The following PCDHA1 variants were observed in gnomAD, a reference collection of about 807,000 sequenced individuals.
PCDHA1 encodes protocadherin alpha-1.
PCDHA1 carries 42 observed loss-of-function variants against 61.3 expected under a neutral mutation model. The observed-to-expected ratio is 0.69, with a 90% CI of 0.54 to 0.89. The LOEUF is 0.89. Ranked by LOEUF, PCDHA1 falls within the 40% of genes least tolerant of loss-of-function variation. The pLI, the probability that PCDHA1 is intolerant of heterozygous loss-of-function variation, is 0.00. For missense variants in PCDHA1, 1,256 were observed against 1,235.3 expected (o/e 1.02, Z -0.25); for synonymous variants, 610 against 553.8 (o/e 1.10, Z -1.43).
chr5:141,006,448 C>T lies in PCDHA1; in HGVS notation c.2543-3179C>T, dbSNP rs968765348. ...CAGGATGGTCTCAATCTCCTGACCT[C>T]GAGATCTGCCTGTCTCGGCCTCCCA... On this transcript the variant is annotated intron_variant, in intron 3 of 3. Coordinates refer to ENST00000504120, the MANE Select transcript of PCDHA1 (RefSeq NM_018900.4). Among the ~76,000 whole-genome samples, 4 of 152,122 alleles carry T rather than the reference C, an allele frequency of 2.6e-5. No homozygotes were observed. In the East Asian group the frequency reaches 7.7e-4, roughly 29 times the overall value.
intron 1 of PCDHA1, chr5:140,808,547 G>C (rs782172662): frequency 6.2e-7 from 1 of 1,614,130 alleles, no homozygotes; most frequent in South Asian, 1.1e-5. Flanking sequence ...CAACGCTCCG[G>C]CGTTCGCGCA....
In PCDHA1 at chr5:140,829,496, C is replaced by A. The variant is rs2150168834; in HGVS notation, c.2394+40812C>A. 13 of 1,613,648 alleles carry A rather than the reference C, an allele frequency of 8.1e-6. No individual in the cohort carries two copies. The East Asian group carries it at 2.2e-4, about 28-fold the overall frequency. ...CACAGTGTTCGTGAAGGAGAACAAC[C>A]CGCCGGGCTGCCACATCTTCACGGT... On this transcript the variant is annotated intron_variant, in intron 1 of 3. Coordinates refer to ENST00000504120, the MANE Select transcript of PCDHA1 (RefSeq NM_018900.4).
intron 1 of PCDHA1, among the ~76,000 whole-genome samples, chr5:140,878,826 C>G (rs1048428036): frequency 1.3e-5 from 2 of 152,182 alleles, no homozygotes; most frequent in Non-Finnish European, 2.9e-5. Flanking sequence ...CTATGTTGCA[C>G]AGGCTGGACT....
intron 1 of PCDHA1, chr5:140,877,364 T>A: frequency 6.2e-7 from 1 of 1,613,948 alleles, no homozygotes; most frequent in Non-Finnish European, 8.5e-7. Context: ...ACTGGCGAGA[T>A]CAGCACGACA....
rs781796613 is a variant in PCDHA1 at position 140,796,504 on chromosome 5, A to G, written c.2394+7820A>G. 5 of 1,612,234 alleles carry G rather than the reference A, an allele frequency of 3.1e-6. No individual in the cohort carries two copies. In the Admixed American group the frequency reaches 8.3e-5, roughly 27 times the overall value. Reference sequence around the variant, plus strand: ...GAGCTACGTTTCGGTGCACGCGGAGAGCGGCAAGGTGTACGCGCTGCAGCC... The same window carrying G: ...GAGCTACGTTTCGGTGCACGCGGAGGGCGGCAAGGTGTACGCGCTGCAGCC... On this transcript the variant is annotated intron_variant, in intron 1 of 3. Coordinates refer to ENST00000504120, the MANE Select transcript of PCDHA1 (RefSeq NM_018900.4).
chr5:141,004,369 C>A (rs1239142670), intron 3 of PCDHA1, among the ~76,000 whole-genome samples: 1 of 152,206 alleles, frequency 6.6e-6, no homozygotes, highest in Non-Finnish European at 1.5e-5. Flanking sequence ...ACACCTTGTT[C>A]TGCTCTGCGG....
Position 140,871,457 on chromosome 5 carries a change from G to A in PCDHA1, c.2394+82773G>A, listed in dbSNP as rs1562665046. 8.1e-6 allele frequency: 13 copies of A among 1,605,570 alleles called. No individual in the cohort carries two copies. The highest frequency in any genetic ancestry group is 1.1e-5 in the Non-Finnish European group (13 of 1,175,480). The stretch of plus-strand genomic sequence containing the variant: ...CTAGGTCTGAATAAAGAGGAGGAAG[G>A]GGAAAGACAGGAGCCAGGGTCAAAT... On this transcript the variant is annotated intron_variant, in intron 1 of 3. Transcript: ENST00000504120.
intron 1 of PCDHA1, among the ~76,000 whole-genome samples, chr5:140,880,156 A>C (rs1301821759): frequency 6.6e-6 from 1 of 152,250 alleles, no homozygotes; most frequent in Non-Finnish European, 1.5e-5. Context: ...TATATCAAGT[A>C]TATGTTAGAA....
chr5:140,875,918 A>T, intron 1 of PCDHA1: 1 of 1,613,782 alleles, frequency 6.2e-7, no homozygotes, highest in Non-Finnish European at 8.5e-7. Flanking sequence ...GCGCCTCTGG[A>T]CTCTCATTTT....
At chr5:140,947,234 AAAAAT>A (rs1164220377) in intron 1 of PCDHA1, among the ~76,000 whole-genome samples, 3 of 151,602 alleles carry the variant, frequency 2.0e-5, no homozygotes, top group Non-Finnish European at 3.0e-5. Flanking sequence ...GACAGGAAAA[AAAAAT>A]AAGATAATCC....
chr5:140,994,142 G>C (rs550428204), intron 3 of PCDHA1, among the ~76,000 whole-genome samples: 8 of 152,180 alleles, frequency 5.3e-5, no homozygotes, highest in Admixed American at 4.6e-4. Context: ...AATGCCCTAC[G>C]TAGGTAGGGT....
intron 1 of PCDHA1, among the ~76,000 whole-genome samples, chr5:140,893,379 ACAG>A (rs2063957000): frequency 6.6e-6 from 1 of 152,140 alleles, no homozygotes; most frequent in South Asian, 2.1e-4. Context: ...CATTTATGGG[ACAG>A]TGGCTCATGC....
At chr5:140,939,285 T>A (rs2092357056) in intron 1 of PCDHA1, among the ~76,000 whole-genome samples, 1 of 152,108 alleles carries the variant, frequency 6.6e-6, no homozygotes, top group Admixed American at 6.5e-5. Flanking sequence ...GCCCTCGTGA[T>A]CTAATCATCT....
intron 1 of PCDHA1, chr5:140,969,176 G>T (rs1554231542): frequency 6.2e-7 from 1 of 1,614,102 alleles, no homozygotes; most frequent in African/African-American, 1.3e-5. Context: ...CTCAGGGAGT[G>T]ACACTTTCAT....
At chr5:140,793,808 C>A (rs1425234730) in intron 1 of PCDHA1, among the ~76,000 whole-genome samples, 2 of 152,072 alleles carry the variant, frequency 1.3e-5, no homozygotes, top group East Asian at 3.8e-4. Flanking sequence ...GCATAAAAGT[C>A]TAAATGTAAT....
intron 1 of PCDHA1, among the ~76,000 whole-genome samples, chr5:140,973,759 C>G (rs1050304490): frequency 2.0e-5 from 3 of 152,250 alleles, no homozygotes; most frequent in Non-Finnish European, 4.4e-5. Flanking sequence ...TGCAGGGACA[C>G]AGCCTGGCAT....
intron 3 of PCDHA1, among the ~76,000 whole-genome samples, chr5:140,985,773 T>C (rs945442566): frequency 7.2e-6 from 1 of 138,872 alleles, no homozygotes; most frequent in South Asian, 2.4e-4. Context: ...ACAGTCTCGC[T>C]CTGTCGCCCA....
At chr5:140,853,805 C>A in intron 1 of PCDHA1, 1 of 986,730 alleles carries the variant, frequency 1.0e-6, no homozygotes, top group Non-Finnish European at 1.2e-6. Flanking sequence ...TTTTAAAGCA[C>A]ACCTGAGATG....
At chr5:140,969,152 T>C in intron 1 of PCDHA1, 1 of 1,614,002 alleles carries the variant, frequency 6.2e-7, no homozygotes, top group East Asian at 2.2e-5. Flanking sequence ...CTACAAGGCC[T>C]GTCTGACAGC....
Sources: allele counts gnomAD v4.1 joint callset (sites outside exome capture counted in the v4.1 genomes callset), GRCh38; gene constraint gnomAD v4.1.1; transcripts MANE v1.5; gene names NCBI Gene and HGNC (gene_info 2026-07-23, HGNC 2026-07-21).